TMEM92: variants seen among roughly 807,000 people sequenced by gnomAD.
TMEM92 encodes transmembrane protein 92.
Under a neutral mutation model 14.6 loss-of-function variants are expected in TMEM92, and 15 were observed. The observed-to-expected ratio is 1.03, with a 90% CI of 0.69 to 1.58. The LOEUF (loss-of-function observed/expected upper bound fraction) is 1.58, where lower values mean the gene tolerates loss of function less well. Ranked by LOEUF, TMEM92 falls within the 40% of genes most tolerant of loss-of-function variation. TMEM92 has a pLI of 0.00. For missense variants in TMEM92, 174 were observed against 202.4 expected (o/e 0.86, Z 0.85); for synonymous variants, 85 against 83.3 (o/e 1.02, Z -0.11).
At chr17:50,273,201 C>G (rs1189162891), upstream of TMEM92, among the ~76,000 whole-genome samples, 1 of 152,202 alleles carries the variant, frequency 6.6e-6, no homozygotes, top group African/African-American at 2.4e-5. Context: ...CCATCACCCC[C>G]TCTCCCCCTC....
rs769141138 is a variant in TMEM92 at position 50,278,640 on chromosome 17, G to A, written c.170+10G>A. 2 of 1,613,384 alleles carry A rather than the reference G, an allele frequency of 1.2e-6. No homozygotes were observed. Among genetic ancestry groups the A allele is most frequent in the Non-Finnish European group, 1.7e-6 (2 of 1,179,774 alleles). ...TCCCTGGCCCCGTGAGGTGAGCCCA[G>A]GGCCAGCTCCTTTGGGTGCAGTCCT... is the stretch of plus-strand genomic sequence containing the variant. On this transcript the variant is annotated intron_variant, in intron 3 of 4. Transcript: ENST00000507382.
In TMEM92 at chr17:50,277,275, T is replaced by C. The variant is rs527765216; in HGVS notation, c.70-440T>C. 2.6e-5 allele frequency among the ~76,000 whole-genome samples: 4 copies of C among 151,752 alleles called. No individual in the cohort carries two copies. The East Asian group carries it at 7.8e-4, about 29-fold the overall frequency. Reference sequence around the variant, plus strand: ...GGAGTGCAGCTGCTCACTCGGGAGGTCTCTACCCCAGGGAGCCACCGAAGG... The same window carrying C: ...GGAGTGCAGCTGCTCACTCGGGAGGCCTCTACCCCAGGGAGCCACCGAAGG... On this transcript the variant is annotated intron_variant, in intron 1 of 4. Transcript: ENST00000507382.
At chr17:50,272,676 C>A (rs1422442723), upstream of TMEM92, among the ~76,000 whole-genome samples, 1 of 151,670 alleles carries the variant, frequency 6.6e-6, no homozygotes, top group East Asian at 1.9e-4. Flanking sequence ...TCTTAAGGGG[C>A]AAAAAGGGCT....
chr17:50,274,546 C>G lies in TMEM92; in HGVS notation c.45C>G (p.Phe15Leu). The change falls in exon 1 of 5, where the codon TTC becomes TTG. Residue 15 changes from phenylalanine (F) to leucine (L), a missense_variant. Coordinates refer to ENST00000507382, the MANE Select transcript of TMEM92 (RefSeq NM_153229.3). Reference sequence around the variant, plus strand: ...CCGGCCTCGCGCCCACCTTGCTGTTCAGCCTGCTGGCTGGCCCCCAAAAGG... The same window carrying G: ...CCGGCCTCGCGCCCACCTTGCTGTTGAGCCTGCTGGCTGGCCCCCAAAAGG... ...WVPGLAPTLL[F>L]SLLAGPQKIA... is the part of the protein sequence containing the mutation. 1 of 1,613,960 alleles carries G rather than the reference C, an allele frequency of 6.2e-7. No individual in the cohort carries two copies. The highest frequency in any genetic ancestry group is 8.5e-7 in the Non-Finnish European group (1 of 1,179,934).
chr17:50,277,796 C>T (rs187525214), intron 2 of TMEM92, 56 bp downstream of exon 2: 1 of 1,604,922 alleles, frequency 6.2e-7, no homozygotes, highest in Non-Finnish European at 8.5e-7. Context: ...CAACCTAAAT[C>T]ATGCCCTGCA....
At chr17:50,274,908 TG>T (rs989282211) in intron 1 of TMEM92, 7 of 309,618 alleles carry the variant, frequency 2.3e-5, no homozygotes, top group African/African-American at 1.6e-4. Flanking sequence ...GCCTGAGCTT[TG>T]GACACCTGGG....
upstream of TMEM92, among the ~76,000 whole-genome samples, chr17:50,272,869 G>A (rs999962045): frequency 6.6e-6 from 1 of 152,004 alleles, no homozygotes; most frequent in African/African-American, 2.4e-5. Context: ...AGGAGAAACA[G>A]ACGGGAGAAC....
intron 1 of TMEM92, 123 bp downstream of exon 1, chr17:50,274,693 C>G (rs1910369997): frequency 1.2e-6 from 1 of 858,076 alleles, no homozygotes; most frequent in African/African-American, 1.7e-5. Context: ...ACACAGTTAG[C>G]TACTTCCTTT....
At chr17:50,274,256 C>T (rs546385131), upstream of TMEM92, among the ~76,000 whole-genome samples, 4 of 152,338 alleles carry the variant, frequency 2.6e-5, no homozygotes, top group African/African-American at 9.6e-5. Context: ...GCGTGAGCCA[C>T]CGCGCCCGGG....
rs1331623512 is a variant in TMEM92, at chr17:50,279,728, TCCTA to T, written c.*424_*427del. The stretch of plus-strand genomic sequence containing the variant: ...GGATGAGCCCTGAGCCAGCTTCCAC[TCCTA>T]CCTGAATAGAGAACTCACTGCACCC... On this transcript the variant is annotated 3_prime_UTR_variant, in exon 5 of 5. Coordinates refer to ENST00000507382, the MANE Select transcript of TMEM92 (RefSeq NM_153229.3). The T allele has an allele frequency of 2.0e-5, 5 of 247,664 alleles. No individual in the cohort carries two copies. The highest frequency in any genetic ancestry group is 4.0e-5 in the Non-Finnish European group (5 of 126,360). The allele number at this position is 247,664 out of a possible 1,614,324, so 15.3% of individuals were successfully genotyped here.
At chr17:50,278,506 A>T (rs375220532) in intron 2 of TMEM92, 50 bp from the exon 3 acceptor site, 1 of 1,606,360 alleles carries the variant, frequency 6.2e-7, no homozygotes, top group African/African-American at 1.3e-5. Flanking sequence ...CTGCCTCTCC[A>T]TTCTGGTGCC....
upstream of TMEM92, chr17:50,271,599 C>T (rs997966369): frequency 6.6e-6 from 1 of 152,206 alleles, no homozygotes; most frequent in Non-Finnish European, 1.5e-5. Context: ...AGTGATCTTC[C>T]TACCTCGGCC....
chr17:50,276,749 A>G (rs1354307431), intron 1 of TMEM92, among the ~76,000 whole-genome samples: 4 of 152,218 alleles, frequency 2.6e-5, no homozygotes, highest in Non-Finnish European at 2.9e-5. Context: ...TATTTTGACT[A>G]CTGGGTTTTC....
At chr17:50,273,627 G>A (rs909602206), upstream of TMEM92, among the ~76,000 whole-genome samples, 13 of 152,218 alleles carry the variant, frequency 8.5e-5, no homozygotes, top group African/African-American at 3.1e-4. Flanking sequence ...TGTGCTCCTG[G>A]TCTTCCTTCC....
chr17:50,277,685 C>T (rs1172230184), intron 1 of TMEM92, 30 bp from the exon 2 acceptor site: 1 of 1,613,718 alleles, frequency 6.2e-7, no homozygotes, highest in African/African-American at 1.3e-5. Context: ...GTTTATGACC[C>T]TGACCCCCGA....
rs2143055348 is a variant in TMEM92, at chr17:50,278,756, GGGTGGCCTGGGGACTCAGGGTACTCTT to G, written c.171-39_171-13del. 1 of 1,579,428 alleles carries G rather than the reference GGGTGGCCTGGGGACTCAGGGTACTCTT, an allele frequency of 6.3e-7. No individual in the cohort carries two copies. On this transcript the variant is annotated intron_variant, in intron 3 of 4. Transcript: ENST00000507382. ...AGCGGGGAGATGTAGGGAGTCCCCA[GGGTGGCCTGGGGACTCAGGGTACTCTT>G]GGTGGTCCCCACCCCAGGATCTTCG...
chr17:50,279,029 C>T, intron 4 of TMEM92, 33 bp downstream of exon 4: 1 of 1,509,350 alleles, frequency 6.6e-7, no homozygotes, highest in Non-Finnish European at 9.2e-7. Context: ...CACCTTGCCT[C>T]TGGCCGGCTG....
intron 2 of TMEM92, 78 bp from the exon 3 acceptor site, chr17:50,278,478 G>T: frequency 1.3e-6 from 2 of 1,531,460 alleles, no homozygotes; most frequent in South Asian, 1.2e-5. Context: ...GGTGTATTTT[G>T]GGGAGGCTGG....
Position 50,277,706 on chromosome 17 carries a change from C to A in TMEM92, c.70-9C>A, listed in dbSNP as rs1567788190. The A allele has an allele frequency of 6.2e-7, 1 of 1,614,032 alleles. No homozygotes were observed. Among genetic ancestry groups the A allele is most frequent in the Admixed American group, 1.7e-5 (1 of 60,026 alleles). On this transcript the variant is annotated splice_polypyrimidine_tract_variant and intron_variant, in intron 1 of 4. Transcript: ENST00000507382. ...GACCCTGACCCCCGACCTCTCTTTT[C>A]TTCCACAGATTGCAGCCAAATGTGG...
Sources: gnomAD v4.1 joint callset for allele counts (sites outside exome capture counted in the v4.1 genomes callset) on GRCh38, gnomAD v4.1.1 for gene constraint, MANE v1.5 for transcripts, NCBI Gene and HGNC (gene_info 2026-07-23, HGNC 2026-07-21) for gene names.